Variants in SLC12A8 observed in about 807,000 individuals in gnomAD.
SLC12A8 encodes the protein solute carrier family 12 member 8.
Under a neutral mutation model 75.6 loss-of-function variants are expected in SLC12A8, and 69 were observed. The ratio of observed to expected loss-of-function variants is 0.91; its 90% CI spans 0.75 to 1.11. SLC12A8 has a LOEUF of 1.11. Among genes scored for constraint, SLC12A8 ranks in the 50% most tolerant of loss-of-function variants. SLC12A8 has a pLI of 0.00. For synonymous variants in SLC12A8, 365 were observed against 372.8 expected (o/e 0.98, Z 0.24); for missense variants, 877 against 896.7 (o/e 0.98, Z 0.28).
intron 2 of SLC12A8, among the ~76,000 whole-genome samples, chr3:125,208,892 C>T (rs1172377180): frequency 6.6e-6 from 1 of 151,918 alleles, no homozygotes; most frequent in African/African-American, 2.4e-5. Flanking sequence ...CTCCACCTAA[C>T]TTCCAAGTGT....
At chr3:125,139,694 C>T (rs12628997) in intron 5 of SLC12A8, among the ~76,000 whole-genome samples, 4 of 152,272 alleles carry the variant, frequency 2.6e-5, no homozygotes, top group African/African-American at 7.2e-5. Context: ...TCTGACTGGC[C>T]GGTACTGGCT....
rs116251938 is a variant in SLC12A8 at position 125,121,880 on chromosome 3, A to G, written c.737-1194T>C. Among the ~76,000 whole-genome samples the G allele has an allele frequency of 8.8e-3, 1,338 of 152,270 alleles. 22 individuals are homozygous for G. Among genetic ancestry groups the G allele is most frequent in the African/African-American group, 0.03 (1,259 of 41,544 alleles). ...GAGAACCCTGAATGCTGGCCCGCGG[A>G]TGGGGTGCATATACTGTCACCCAGC... On this transcript the variant is annotated intron_variant, in intron 6 of 13. Coordinates refer to ENST00000469902, the MANE Select transcript of SLC12A8 (RefSeq NM_024628.6).
chr3:125,173,452 CAAAAAA>C (rs61001520), intron 5 of SLC12A8, among the ~76,000 whole-genome samples: 34 of 79,650 alleles, frequency 4.3e-4, no homozygotes, highest in African/African-American at 1.6e-3. Context: ...ATTCATGAGC[CAAAAAA>C]AAAAAAAAAA....
intron 5 of SLC12A8, among the ~76,000 whole-genome samples, chr3:125,158,410 G>A (rs1289064754): frequency 3.3e-5 from 5 of 151,904 alleles, no homozygotes; most frequent in Admixed American, 6.6e-5. Flanking sequence ...TAGTAGAGAC[G>A]GGGTTTCACC....
chr3:125,177,740 T>G lies in SLC12A8; in HGVS notation c.622+3A>C. ...GCCACATACTGGACTCTGAAAGGCT[T>G]ACCTGGGTCCAGGTGGGTGAAAGAA... On this transcript the variant is annotated splice_donor_region_variant and intron_variant, in intron 5 of 13. Coordinates refer to ENST00000469902, the MANE Select transcript of SLC12A8 (RefSeq NM_024628.6). 1 of 1,612,646 alleles carries G rather than the reference T, an allele frequency of 6.2e-7. No individual in the cohort carries two copies. The highest frequency in any genetic ancestry group is 1.3e-5 in the African/African-American group (1 of 74,984).
chr3:125,195,360 C>T (rs1245420710), intron 2 of SLC12A8, among the ~76,000 whole-genome samples: 1 of 152,180 alleles, frequency 6.6e-6, no homozygotes, highest in African/African-American at 2.4e-5. Context: ...GAGTGCTGCC[C>T]CATGTGACTG....
intron 6 of SLC12A8, among the ~76,000 whole-genome samples, chr3:125,134,885 C>T (rs1265088989): frequency 6.6e-6 from 1 of 152,194 alleles, no homozygotes; most frequent in Non-Finnish European, 1.5e-5. Flanking sequence ...ATCCTCTGGC[C>T]ATCAATACTC....
At chr3:125,109,117 C>T (rs1294021065) in intron 9 of SLC12A8, among the ~76,000 whole-genome samples, 2 of 152,192 alleles carry the variant, frequency 1.3e-5, no homozygotes, top group African/African-American at 2.4e-5. Flanking sequence ...CCTTACTTCT[C>T]CTGATTGGCC....
chr3:125,108,075 T>C lies in SLC12A8; in HGVS notation c.1111A>G (p.Thr371Ala). ...TGACCCACAAAAACAAAGGCCATGG[T>C]CACCAAGCTGGTCAGGCAGATGGCA... ...VAAICLTSLV[T>A]MAFVFVGQVN... Residue 371 changes from threonine (T) to alanine (A), a missense_variant, in exon 10 of 14, where the codon ACC becomes GCC. By Grantham distance (58) the Thr-to-Ala change is moderately conservative (BLOSUM62 0). Transcript: ENST00000469902. 2 of 1,614,174 alleles carry C rather than the reference T, an allele frequency of 1.2e-6. No individual in the cohort carries two copies. The highest frequency in any genetic ancestry group is 1.7e-5 in the Admixed American group (1 of 60,018).
chr3:125,148,542 T>C (rs1933842765), intron 5 of SLC12A8, among the ~76,000 whole-genome samples: 1 of 152,064 alleles, frequency 6.6e-6, no homozygotes, highest in Non-Finnish European at 1.5e-5. Flanking sequence ...TTGTATATTA[T>C]TTAACTTTCA....
At chr3:125,096,208 C>T (rs892741120) in intron 10 of SLC12A8, among the ~76,000 whole-genome samples, 8 of 152,212 alleles carry the variant, frequency 5.3e-5, no homozygotes, top group African/African-American at 1.9e-4. Flanking sequence ...CTGCTTCATG[C>T]AATTCAGTTC....
chr3:125,149,308 A>T (rs984443623), intron 5 of SLC12A8, among the ~76,000 whole-genome samples: 2 of 152,206 alleles, frequency 1.3e-5, no homozygotes, highest in Admixed American at 6.5e-5. Flanking sequence ...AAGCCAGCAA[A>T]TGAGAATAAT....
chr3:125,095,846 T>C (rs532106), intron 10 of SLC12A8, among the ~76,000 whole-genome samples: 72,493 of 152,082 alleles, frequency 0.48, 17,872 homozygotes, highest in South Asian at 0.67. Flanking sequence ...TAACATTTTT[T>C]GGTTATTTGT....
At chr3:125,118,009 G>A (rs1437010484) in intron 8 of SLC12A8, among the ~76,000 whole-genome samples, 1 of 152,236 alleles carries the variant, frequency 6.6e-6, no homozygotes, top group African/African-American at 2.4e-5. Context: ...CCTGGCACTG[G>A]GCTTCCGCCC....
At chr3:125,149,878 T>C (rs13067346) in intron 5 of SLC12A8, among the ~76,000 whole-genome samples, 34,889 of 152,044 alleles carry the variant, frequency 0.23, 4,914 homozygotes, top group East Asian at 0.38. Flanking sequence ...GCTGGACAAT[T>C]GGTCAGGCTT....
At chr3:125,170,654 C>T (rs1934387749) in intron 5 of SLC12A8, among the ~76,000 whole-genome samples, 1 of 152,226 alleles carries the variant, frequency 6.6e-6, no homozygotes, top group Non-Finnish European at 1.5e-5. Flanking sequence ...GTGGCTCACG[C>T]CTGTAATCCC....
chr3:125,212,279 C>T (rs1560088872), intron 1 of SLC12A8, among the ~76,000 whole-genome samples: 1 of 152,126 alleles, frequency 6.6e-6, no homozygotes, highest in Non-Finnish European at 1.5e-5. Context: ...GGCTGCAGTC[C>T]TGCCAAAAGC....
At chr3:125,208,242 T>A (rs185267103) in intron 2 of SLC12A8, among the ~76,000 whole-genome samples, 2 of 152,098 alleles carry the variant, frequency 1.3e-5, no homozygotes, top group African/African-American at 4.8e-5. Context: ...GCACACATCA[T>A]CCTCAATAGA....
intron 6 of SLC12A8, chr3:125,125,927 G>C (rs1469541340): frequency 1.0e-6 from 1 of 984,958 alleles, no homozygotes; most frequent in Non-Finnish European, 1.2e-6. Context: ...CATTGGTTTC[G>C]CCACAGGCAC....
Sources: gnomAD v4.1 joint callset for allele counts (sites outside exome capture counted in the v4.1 genomes callset) on GRCh38, gnomAD v4.1.1 for gene constraint, MANE v1.5 for transcripts, NCBI Gene and HGNC (gene_info 2026-07-23, HGNC 2026-07-21) for gene names.